The following PPP1R12A variants were observed in gnomAD, a reference collection of about 807,000 sequenced individuals.
PPP1R12A encodes myosin binding subunit.
A neutral mutation model predicts 139.6 loss-of-function variants in PPP1R12A; 19 were observed. The observed-to-expected ratio is 0.14, with a 90% CI of 0.09 to 0.20. PPP1R12A has a LOEUF of 0.20. Ranked by LOEUF, PPP1R12A falls within the 10% of genes least tolerant of loss-of-function variation. PPP1R12A has a pLI of 1.00. For synonymous variants in PPP1R12A, 427 were observed against 420.6 expected, an observed-to-expected ratio of 1.02 and a Z score of -0.19; for missense variants, 925 against 1,211.5, an observed-to-expected ratio of 0.76 and a Z score of 3.51.
chr12:79,907,228 T>G (rs969383649), intron 1 of PPP1R12A, among the ~76,000 whole-genome samples: 2 of 152,160 alleles, frequency 1.3e-5, no homozygotes, highest in Non-Finnish European at 2.9e-5. Flanking sequence ...ACCCTAAGAT[T>G]ATTAAGAACA....
At chr12:79,820,477 T>C (rs1875963679) in intron 8 of PPP1R12A, among the ~76,000 whole-genome samples, 1 of 152,134 alleles carries the variant, frequency 6.6e-6, no homozygotes, top group Admixed American at 6.5e-5. Flanking sequence ...CATTTCTCAA[T>C]TGCTGAGAAC....
chr12:79,901,651 T>C (rs1885651565), intron 1 of PPP1R12A, among the ~76,000 whole-genome samples: 2 of 152,122 alleles, frequency 1.3e-5, no homozygotes, highest in Non-Finnish European at 2.9e-5. Context: ...AAAATTAGAT[T>C]AAGATCCAAA....
chr12:79,809,889 G>C lies in PPP1R12A; in HGVS notation c.1361C>G (p.Ala454Gly). The C allele has an allele frequency of 6.2e-7, 1 of 1,613,512 alleles. No homozygotes were observed. Residue 454 changes from alanine to glycine, a missense_variant, in exon 10 of 25, where the codon GCA becomes GGA. Coordinates refer to ENST00000450142, the MANE Select transcript of PPP1R12A (RefSeq NM_002480.3). Reference sequence around the variant, plus strand: ...TTTTTCTTTCTGACCCTCTTTAGATGCTGTGATTTCAGCAAGTGCACCATA... The same window carrying C: ...TTTTTCTTTCTGACCCTCTTTAGATCCTGTGATTTCAGCAAGTGCACCATA... ...GSYGALAEIT[A>G]SKEGQKEKDT... is the part of the protein sequence containing the mutation.
chr12:79,796,329 T>C (rs1216317762), intron 17 of PPP1R12A, among the ~76,000 whole-genome samples: 1 of 152,100 alleles, frequency 6.6e-6, no homozygotes, highest in Non-Finnish European at 1.5e-5. Context: ...GAGAAAGAAA[T>C]GTATTTTTTA....
chr12:79,860,355 A>G (rs1881180180), intron 2 of PPP1R12A, among the ~76,000 whole-genome samples: 1 of 152,236 alleles, frequency 6.6e-6, no homozygotes, highest in Non-Finnish European at 1.5e-5. Context: ...CATTCAATTA[A>G]CCAACATTCA....
At chr12:79,874,677 T>A (rs745322049) in intron 1 of PPP1R12A, among the ~76,000 whole-genome samples, 4 of 152,012 alleles carry the variant, frequency 2.6e-5, no homozygotes, top group East Asian at 1.9e-4. Flanking sequence ...AAAAAAAAAA[T>A]TTGAGAACTA....
At chr12:79,930,876 A>G (rs982272291) in intron 1 of PPP1R12A, among the ~76,000 whole-genome samples, 2 of 152,224 alleles carry the variant, frequency 1.3e-5, no homozygotes, top group African/African-American at 4.8e-5. Flanking sequence ...GAAAAGACTG[A>G]GCTAGAAGAC....
At chr12:79,828,769 C>T (rs995968474) in intron 4 of PPP1R12A, among the ~76,000 whole-genome samples, 1 of 151,994 alleles carries the variant, frequency 6.6e-6, no homozygotes, top group Admixed American at 6.6e-5. Flanking sequence ...GTGAAATTTT[C>T]ACAGAAAAGC....
At chr12:79,925,393 A>G (rs1447256837) in intron 1 of PPP1R12A, among the ~76,000 whole-genome samples, 2 of 152,218 alleles carry the variant, frequency 1.3e-5, no homozygotes, top group African/African-American at 2.4e-5. Flanking sequence ...CAAGAAAATG[A>G]CATGAGCTTT....
intron 2 of PPP1R12A, among the ~76,000 whole-genome samples, chr12:79,849,605 GAAAA>G (rs1464306924): frequency 6.6e-6 from 1 of 151,992 alleles, no homozygotes; most frequent in Non-Finnish European, 1.5e-5. Flanking sequence ...TCCTTGGAAA[GAAAA>G]CAAACAAACA....
In PPP1R12A at chr12:79,807,301, G is replaced by T; in HGVS notation, c.1580C>A (p.Ser527Ter). ...RDSSSLRTSS[S>*]YTRRKWEDDL... ...ATCTTCCCATTTTCTCCTTGTATAT[G>T]AACTACTTGTTCGCAAACTTGAAGA... The change falls in exon 12 of 25, where the codon TCA becomes TAA. Residue 527 changes from serine (S) to a stop codon, truncating the protein, a stop_gained. Transcript: ENST00000450142. LOFTEE classifies it high-confidence loss of function. 1 of 1,553,982 alleles carries T rather than the reference G, an allele frequency of 6.4e-7. No individual in the cohort carries two copies. Among genetic ancestry groups the T allele is most frequent in the South Asian group, 1.2e-5 (1 of 84,324 alleles).
chr12:79,865,122 G>A (rs959170863), intron 2 of PPP1R12A, among the ~76,000 whole-genome samples: 5 of 152,122 alleles, frequency 3.3e-5, no homozygotes, highest in African/African-American at 7.2e-5. Context: ...TATCCACCAC[G>A]ATCAAGTCGG....
Position 79,774,864 on chromosome 12 carries a change from G to A in PPP1R12A, c.*1065C>T, listed in dbSNP as rs117748424. ...AATTATCTTATGCAACTTTAATTAT[G>A]GTTGAGTACTATCAAGTGAAAACTG... On this transcript the variant is annotated 3_prime_UTR_variant, in exon 25 of 25. Coordinates refer to ENST00000450142, the MANE Select transcript of PPP1R12A (RefSeq NM_002480.3). 2 of 152,490 alleles carry A rather than the reference G, an allele frequency of 1.3e-5. No homozygotes were observed. The highest frequency in any genetic ancestry group is 4.8e-5 in the African/African-American group (2 of 41,560). 9.4% of individuals were successfully genotyped at this position (152,490 alleles called of 1,614,324 possible). A position where few individuals can be genotyped will look rare whatever the true frequency, so the allele number is the denominator to read the frequency against.
intron 20 of PPP1R12A, among the ~76,000 whole-genome samples, chr12:79,789,221 A>G (rs917847861): frequency 6.6e-6 from 1 of 152,142 alleles, no homozygotes; most frequent in Admixed American, 6.5e-5. Flanking sequence ...GGAATGAGCC[A>G]CTGCACCCAG....
intron 2 of PPP1R12A, among the ~76,000 whole-genome samples, chr12:79,870,827 T>C (rs887265076): frequency 6.6e-5 from 10 of 152,210 alleles, no homozygotes; most frequent in East Asian, 5.8e-4. Flanking sequence ...AAGCTGAATA[T>C]GCCAAGATAT....
chr12:79,814,943 CTG>C (rs1475096138), intron 9 of PPP1R12A, among the ~76,000 whole-genome samples: 7 of 149,812 alleles, frequency 4.7e-5, no homozygotes, highest in African/African-American at 1.7e-4. Context: ...GTGCTTGAAA[CTG>C]AGAATAAAAT....
rs1272128638 is a variant in PPP1R12A, at chr12:79,774,407, C to A, written c.*1522G>T. ...AATGACCTTTTAAAATGAAGGGGTA[C>A]AAATTCACATTTAATATAGTATACA... On this transcript the variant is annotated 3_prime_UTR_variant, in exon 25 of 25. Transcript: ENST00000450142. The A allele has an allele frequency of 6.6e-6, 1 of 152,440 alleles. No homozygotes were observed. The highest frequency in any genetic ancestry group is 2.4e-5 in the African/African-American group (1 of 41,382). 9.4% of individuals were successfully genotyped at this position (152,440 alleles called of 1,614,324 possible).
At position 79,906,789 on chromosome 12, in the gene PPP1R12A, G is replaced by A. The variant is rs749749559; in HGVS notation, c.237+27906C>T. On this transcript the variant is annotated intron_variant, in intron 1 of 24. Transcript: ENST00000450142. Reference sequence around the variant, plus strand: ...TTCCCAAGTAGCTGGGACTACAGGCGCCCACCACCACGCCCAGCTAACTTT... The same window carrying A: ...TTCCCAAGTAGCTGGGACTACAGGCACCCACCACCACGCCCAGCTAACTTT... 7.9e-5 allele frequency among the ~76,000 whole-genome samples: 12 copies of A among 152,124 alleles called. 1 individual carries two copies. The highest frequency in any genetic ancestry group is 3.4e-3 in the Middle Eastern group (1 of 294).
intron 2 of PPP1R12A, among the ~76,000 whole-genome samples, chr12:79,850,967 T>C (rs1359250726): frequency 1.3e-5 from 2 of 152,208 alleles, no homozygotes; most frequent in Non-Finnish European, 2.9e-5. Context: ...CAATTATACC[T>C]CTTTTCTTCA....
Sources: allele counts gnomAD v4.1 joint callset (sites outside exome capture counted in the v4.1 genomes callset), GRCh38; gene constraint gnomAD v4.1.1; transcripts MANE v1.5; gene names NCBI Gene and HGNC (gene_info 2026-07-23, HGNC 2026-07-21).